The following NRXN1 variants were observed in gnomAD, a reference collection of about 807,000 sequenced individuals.
The protein encoded by NRXN1 is neurexin 1, also known as neurexin-1.
Under a neutral mutation model 150.9 loss-of-function variants are expected in NRXN1, and 39 were observed. The observed-to-expected ratio is 0.26, with a 90% confidence interval of 0.20 to 0.34. NRXN1 has a LOEUF of 0.34. Among genes scored for constraint, NRXN1 ranks in the 10% least tolerant of loss-of-function variants. The pLI, the probability that NRXN1 is intolerant of heterozygous loss-of-function variation, is 1.00. For synonymous variants in NRXN1, 924 were observed against 757.0 expected, an observed-to-expected ratio of 1.22 and a Z score of -3.62; for missense variants, 1,815 against 1,949.9, an observed-to-expected ratio of 0.93 and a Z score of 1.30.
rs77771291 is a variant in NRXN1 at position 50,967,388 on chromosome 2, C to T, written c.773-41433G>A. 4.8e-3 allele frequency among the ~76,000 whole-genome samples: 725 copies of T among 152,062 alleles called. 5 individuals are homozygous for T. The highest frequency in any genetic ancestry group is 8.5e-3 in the Non-Finnish European group (575 of 67,912). On this transcript the variant is annotated intron_variant, in intron 2 of 22. Transcript: ENST00000401669. ...ACAAATTTAGTTAATTCCATCATCT[C>T]ATCTGAATTCTATGATCACACAAAG...
chr2:50,656,224 T>G (rs1686437706), intron 5 of NRXN1: 2 of 561,028 alleles, frequency 3.6e-6, no homozygotes, highest in South Asian at 5.1e-5. Context: ...AAAGTGATCT[T>G]TTTTAAACTT....
intron 1 of NRXN1, among the ~76,000 whole-genome samples, chr2:51,029,493 T>G (rs890849855): frequency 2.0e-5 from 3 of 152,252 alleles, no homozygotes; most frequent in African/African-American, 7.2e-5. Context: ...CAAGATAGTT[T>G]AATTTTTAAA....
intron 22 of NRXN1, among the ~76,000 whole-genome samples, chr2:49,938,896 G>A (rs1050778533): frequency 9.2e-5 from 14 of 152,022 alleles, no homozygotes; most frequent in Admixed American, 3.3e-4. Flanking sequence ...TTGGAAGAGG[G>A]CCCCCAAACT....
At chr2:50,662,149 T>A (rs191103997) in intron 5 of NRXN1, among the ~76,000 whole-genome samples, 106 of 152,170 alleles carry the variant, frequency 7.0e-4, no homozygotes, top group African/African-American at 2.2e-3. Flanking sequence ...ACAGCTTGCA[T>A]AATGTAGAAA....
chr2:50,081,236 T>C (rs932553055), intron 19 of NRXN1, among the ~76,000 whole-genome samples: 1 of 152,204 alleles, frequency 6.6e-6, no homozygotes, highest in Non-Finnish European at 1.5e-5. Context: ...CTCTGCCTCC[T>C]CTTGACGGCA....
chr2:50,449,679 T>A (rs1996669), intron 17 of NRXN1, among the ~76,000 whole-genome samples: 1 of 151,956 alleles, frequency 6.6e-6, no homozygotes, highest in African/African-American at 2.4e-5. Context: ...TGGGTATATG[T>A]CACTACATTT....
At chr2:49,945,331 G>A (rs182927043) in intron 21 of NRXN1, 1 of 151,024 alleles carries the variant, frequency 6.6e-6, no homozygotes, top group African/African-American at 2.4e-5. Flanking sequence ...AATGTTTGTG[G>A]CATTTGTAGT....
At chr2:50,585,525 GT>G (rs1266071929) in intron 8 of NRXN1, among the ~76,000 whole-genome samples, 4 of 152,042 alleles carry the variant, frequency 2.6e-5, no homozygotes, top group African/African-American at 4.8e-5. Context: ...TATGTAATTT[GT>G]TTTTTATGAT....
chr2:50,714,044 G>T (rs922808504), intron 5 of NRXN1, among the ~76,000 whole-genome samples: 2 of 152,128 alleles, frequency 1.3e-5, no homozygotes, highest in South Asian at 2.1e-4. Context: ...TAGGTATTAG[G>T]CTTTTACTTT....
chr2:50,072,518 G>A (rs772679906), intron 19 of NRXN1, among the ~76,000 whole-genome samples: 19 of 130,104 alleles, frequency 1.5e-4, no homozygotes, highest in Non-Finnish European at 2.7e-4. Context: ...CTTAGGAACT[G>A]CCTAAGAAAT....
chr2:50,208,863 T>C (rs1038057679), intron 18 of NRXN1, among the ~76,000 whole-genome samples: 14 of 152,276 alleles, frequency 9.2e-5, no homozygotes, highest in African/African-American at 3.1e-4. Context: ...AACATTTGGG[T>C]CTTGTTCATT....
Position 50,606,902 on chromosome 2 carries a change from G to T in NRXN1, c.1320+13120C>A, listed in dbSNP as rs764327199. Among the ~76,000 whole-genome samples the T allele has an allele frequency of 2.0e-5, 3 of 152,002 alleles. No homozygotes were observed. The South Asian group carries it at 6.2e-4, about 32-fold the overall frequency. On this transcript the variant is annotated intron_variant, in intron 8 of 22. Transcript: ENST00000401669. ...ATTCCACTTGACATTTAATTGCTTC[G>T]CGTGTTATGTGTATTTCAAAGACAA... is the stretch of plus-strand genomic sequence containing the variant.
Position 50,515,600 on chromosome 2 carries a change from G to GGTGTGTGTGTGTGTGTGTGT in NRXN1, c.2375-9003_2375-8984dup, listed in dbSNP as rs60612860. 9.6e-4 allele frequency among the ~76,000 whole-genome samples: 138 copies of GGTGTGTGTGTGTGTGTGTGT among 143,508 alleles called. 1 individual carries two copies. Among genetic ancestry groups the GGTGTGTGTGTGTGTGTGTGT allele is most frequent in the African/African-American group, 3.4e-3 (130 of 38,724 alleles). The allele number at this position is 143,508 out of a possible 152,430, so 94.1% of individuals were successfully genotyped here. A position where few individuals can be genotyped will look rare whatever the true frequency, so the allele number is the denominator to read the frequency against. On this transcript the variant is annotated intron_variant, in intron 12 of 22. Coordinates refer to ENST00000401669, the MANE Select transcript of NRXN1 (RefSeq NM_001330078.2). The stretch of plus-strand genomic sequence containing the variant: ...ATAGAAACATTCATTAAATGCTTGG[G>GGTGTGTGTGTGTGTGTGTGT]GTGTGTGTGTGTGTGTGTGTGTGTG...
chr2:50,564,447 G>A (rs143224565), intron 8 of NRXN1, among the ~76,000 whole-genome samples: 8 of 152,140 alleles, frequency 5.3e-5, no homozygotes, highest in African/African-American at 1.2e-4. Flanking sequence ...CTCAAATTTC[G>A]TAATTTTATC....
At chr2:50,842,163 A>G (rs1672974097) in intron 5 of NRXN1, among the ~76,000 whole-genome samples, 1 of 152,164 alleles carries the variant, frequency 6.6e-6, no homozygotes, top group Non-Finnish European at 1.5e-5. Flanking sequence ...ATGCTTACCA[A>G]TTATTAACCT....
chr2:50,413,346 C>G (rs749382910), intron 17 of NRXN1, among the ~76,000 whole-genome samples: 1 of 152,122 alleles, frequency 6.6e-6, no homozygotes, highest in Non-Finnish European at 1.5e-5. Context: ...TTCAATATCA[C>G]AGATCATCGG....
intron 18 of NRXN1, among the ~76,000 whole-genome samples, chr2:50,194,763 T>G (rs2061653653): frequency 6.6e-6 from 1 of 152,142 alleles, no homozygotes; most frequent in Admixed American, 6.6e-5. Flanking sequence ...TAAGATGAAT[T>G]AGAGATTCAC....
chr2:49,945,255 GTCTT>G (rs1672687439), intron 21 of NRXN1: 1 of 151,890 alleles, frequency 6.6e-6, no homozygotes, highest in Non-Finnish European at 1.5e-5. Flanking sequence ...GGAAGTGTAA[GTCTT>G]TTTTTTTAAC....
At chr2:49,999,039 G>A (rs1399973976) in intron 21 of NRXN1, among the ~76,000 whole-genome samples, 2 of 114,488 alleles carry the variant, frequency 1.7e-5, no homozygotes, top group Non-Finnish European at 4.2e-5. Context: ...AATTAATCTG[G>A]GGATCTTCTT....
Sources: allele counts gnomAD v4.1 joint callset (sites outside exome capture counted in the v4.1 genomes callset), GRCh38; gene constraint gnomAD v4.1.1; transcripts MANE v1.5; gene names NCBI Gene and HGNC (gene_info 2026-07-23, HGNC 2026-07-21).